TUB: variants seen among roughly 807,000 people sequenced by gnomAD.
TUB encodes TUB bipartite transcription factor.
Under a neutral mutation model 59.7 loss-of-function variants are expected in TUB, and 33 were observed. That is an observed-to-expected ratio of 0.55 (90% CI 0.42 to 0.74). The LOEUF is 0.74. Ranked by LOEUF, TUB falls within the 30% of genes least tolerant of loss-of-function variation. TUB has a pLI of 0.00. For missense variants in TUB, 659 were observed against 672.0 expected (o/e 0.98, Z 0.21); for synonymous variants, 293 against 256.4 (o/e 1.14, Z -1.36).
At chr11:8,043,986 C>T (rs550485503) in intron 2 of TUB, among the ~76,000 whole-genome samples, 1 of 152,110 alleles carries the variant, frequency 6.6e-6, no homozygotes, top group Non-Finnish European at 1.5e-5. Context: ...ACCCCACCCC[C>T]CTTCTTCTGG....
At chr11:8,030,175 G>A (rs1404516363) in intron 1 of TUB, among the ~76,000 whole-genome samples, 1 of 152,152 alleles carries the variant, frequency 6.6e-6, no homozygotes, top group African/African-American at 2.4e-5. Flanking sequence ...ACATCATCAG[G>A]CACTGTGGTT....
intron 2 of TUB, among the ~76,000 whole-genome samples, chr11:8,054,063 C>T (rs376517217): frequency 2.0e-4 from 30 of 151,212 alleles, no homozygotes; most frequent in Non-Finnish European, 3.7e-4. Flanking sequence ...TGCAGTGAGC[C>T]GAGATCTCAC....
chr11:8,032,165 G>A (rs2133712144), intron 1 of TUB, among the ~76,000 whole-genome samples: 1 of 152,276 alleles, frequency 6.6e-6, no homozygotes, highest in Middle Eastern at 3.4e-3. Context: ...GAGCGCAGGA[G>A]TGAGATTGGG....
At chr11:8,044,115 G>T (rs1942793270) in intron 2 of TUB, among the ~76,000 whole-genome samples, 1 of 151,958 alleles carries the variant, frequency 6.6e-6, no homozygotes, top group African/African-American at 2.4e-5. Context: ...GGATATATGG[G>T]TATATGGTGT....
intron 1 of TUB, among the ~76,000 whole-genome samples, chr11:8,025,561 A>G (rs1589918374): frequency 6.6e-6 from 1 of 152,216 alleles, no homozygotes; most frequent in South Asian, 2.1e-4. Context: ...AGAGTTTTGT[A>G]TAAATGGAAT....
intron 1 of TUB, 48 bp from the exon 2 acceptor site, chr11:8,089,562 C>T (rs1299461139): frequency 6.2e-7 from 1 of 1,611,140 alleles, no homozygotes; most frequent in Non-Finnish European, 8.5e-7. Flanking sequence ...GGCTGTATAT[C>T]CTGGCACCTC....
chr11:8,021,154 G>C (rs1554919114), intron 1 of TUB, among the ~76,000 whole-genome samples: 2 of 152,220 alleles, frequency 1.3e-5, no homozygotes, highest in Non-Finnish European at 1.5e-5. Context: ...TCTTGGGGAA[G>C]TGTTGTGAGT....
Position 8,089,476 on chromosome 11 carries a change from C to G in TUB, c.39-134C>G, listed in dbSNP as rs558560452. 5 of 1,057,658 alleles carry G rather than the reference C, an allele frequency of 4.7e-6. No homozygotes were observed. The South Asian group carries it at 7.2e-5, about 15-fold the overall frequency. 65.5% of individuals were successfully genotyped at this position (1,057,658 alleles called of 1,614,324 possible). On this transcript the variant is annotated intron_variant, in intron 1 of 11. Coordinates refer to ENST00000299506, the MANE Select transcript of TUB (RefSeq NM_177972.3). ...CAGGCTCCACCCTTCCTCCTTCTAC[C>G]ATGTGGGCTCACTGAGTCCCAGCAG...
chr11:8,098,251 T>C (rs1638764881), intron 8 of TUB, among the ~76,000 whole-genome samples: 1 of 151,492 alleles, frequency 6.6e-6, no homozygotes, highest in African/African-American at 2.4e-5. Context: ...AGCCTAGGCC[T>C]CCAGGTGGGG....
intron 2 of TUB, among the ~76,000 whole-genome samples, chr11:8,049,259 C>T (rs1411344940): frequency 6.6e-6 from 1 of 152,154 alleles, no homozygotes; most frequent in Non-Finnish European, 1.5e-5. Context: ...AACCCCCATC[C>T]AGTAGGAAGA....
chr11:8,034,970 A>G (rs1429024129), upstream of TUB, among the ~76,000 whole-genome samples: 2 of 152,180 alleles, frequency 1.3e-5, no homozygotes, highest in Admixed American at 6.5e-5. Context: ...AAGGGGACAG[A>G]TGGGAACCCA....
rs528213555 is a variant in TUB at position 8,088,156 on chromosome 11, G to A, written c.39-1454G>A. Among the ~76,000 whole-genome samples, 39 of 152,294 alleles carry A rather than the reference G, an allele frequency of 2.6e-4. 2 individuals carry two copies. The South Asian group carries it at 7.3e-3, about 28-fold the overall frequency. ...TCCTCTGACATGCAGAGCAGCTCGT[G>A]GGTACAAGGAAAGACCTTCCCAGAT... On this transcript the variant is annotated intron_variant, in intron 1 of 11. Coordinates refer to ENST00000299506, the MANE Select transcript of TUB (RefSeq NM_177972.3).
chr11:8,095,946 C>G (rs1012291393), intron 5 of TUB, among the ~76,000 whole-genome samples: 15 of 152,218 alleles, frequency 9.9e-5, no homozygotes, highest in African/African-American at 3.6e-4. Flanking sequence ...CTACTGGGAG[C>G]AGGGCCAGGA....
chr11:8,038,076 A>G (rs1942677820), upstream of TUB, among the ~76,000 whole-genome samples: 1 of 152,168 alleles, frequency 6.6e-6, no homozygotes, highest in African/African-American at 2.4e-5. Flanking sequence ...GAAAGCTACG[A>G]TGGTGCCTCA....
intron 1 of TUB, among the ~76,000 whole-genome samples, chr11:8,032,143 G>A (rs1349430228): frequency 1.3e-5 from 2 of 152,148 alleles, no homozygotes; most frequent in Admixed American, 1.3e-4. Flanking sequence ...GAAAGGCCTG[G>A]GGAAAGGCCG....
upstream of TUB, among the ~76,000 whole-genome samples, chr11:8,080,036 G>C (rs1356795857): frequency 6.6e-6 from 1 of 152,200 alleles, no homozygotes; most frequent in Non-Finnish European, 1.5e-5. Context: ...AGAAGGCAAG[G>C]CTGAAGGGCT....
At chr11:8,079,690 GTGTGTGTGTGCA>G (rs1943508754), upstream of TUB, among the ~76,000 whole-genome samples, 2 of 146,400 alleles carry the variant, frequency 1.4e-5, no homozygotes, top group Admixed American at 1.3e-4. Context: ...GTAGGTGTGC[GTGTGTGTGTGCA>G]TGTGTGTAGG....
intron 1 of TUB, among the ~76,000 whole-genome samples, chr11:8,026,207 C>T (rs1158607551): frequency 6.6e-6 from 1 of 152,076 alleles, no homozygotes; most frequent in Non-Finnish European, 1.5e-5. Context: ...GATGCATCTC[C>T]TTTATCAGAT....
intron 1 of TUB, among the ~76,000 whole-genome samples, chr11:8,024,771 G>A (rs1203179085): frequency 6.6e-6 from 1 of 152,208 alleles, no homozygotes; most frequent in Non-Finnish European, 1.5e-5. Flanking sequence ...TCCAGGAGGG[G>A]TGAATTGATT....
Sources: allele counts gnomAD v4.1 joint callset (sites outside exome capture counted in the v4.1 genomes callset), GRCh38; gene constraint gnomAD v4.1.1; transcripts MANE v1.5; gene names NCBI Gene and HGNC (gene_info 2026-07-23, HGNC 2026-07-21).